RYR2: variants seen among roughly 807,000 people sequenced by gnomAD.
RYR2 encodes ryanodine receptor 2.
A neutral mutation model predicts 601.1 loss-of-function variants in RYR2; 227 were observed. That is an observed-to-expected ratio of 0.38 (90% CI 0.34 to 0.42). The LOEUF (loss-of-function observed/expected upper bound fraction) is 0.42. Ranked by LOEUF, RYR2 falls within the 10% of genes least tolerant of loss-of-function variation. The pLI, the probability that RYR2 is intolerant of heterozygous loss-of-function variation, is 1.00. For synonymous variants in RYR2, 2,223 were observed against 2,175.1 expected (o/e 1.02, Z -0.61); for missense variants, 4,646 against 6,156.5 (o/e 0.75, Z 8.21).
At chr1:237,827,664 C>G (rs1243227093) in intron 101 of RYR2, among the ~76,000 whole-genome samples, 1 of 143,128 alleles carries the variant, frequency 7.0e-6, no homozygotes, top group Non-Finnish European at 1.5e-5. Context: ...CTTGACTGGG[C>G]ATGGTGGCTC....
At chr1:237,497,879 C>T (rs937397885) in intron 20 of RYR2, among the ~76,000 whole-genome samples, 7 of 149,368 alleles carry the variant, frequency 4.7e-5, no homozygotes, top group African/African-American at 7.4e-5. Flanking sequence ...TTTTTTTTTT[C>T]GAGACAGAGT....
chr1:237,459,552 G>C (rs571005696), intron 16 of RYR2, among the ~76,000 whole-genome samples: 9 of 151,988 alleles, frequency 5.9e-5, no homozygotes, highest in Non-Finnish European at 1.2e-4. Context: ...CTGTTCATTG[G>C]TCCCTTCAAC....
Position 237,493,096 on chromosome 1 carries a change from A to C in RYR2, c.1961+9A>C, listed in dbSNP as rs1224169739. On this transcript the variant is annotated intron_variant, in intron 19 of 104. Transcript: ENST00000366574. ...GTGAACCATGTCAGCAGGTAAATTCAGACAGACAATGTCACCTGACAGGTA... is the reference window on the plus strand; with the variant it reads ...GTGAACCATGTCAGCAGGTAAATTCCGACAGACAATGTCACCTGACAGGTA... 6.2e-7 allele frequency: 1 copy of C among 1,613,550 alleles called. No individual in the cohort carries two copies. Among genetic ancestry groups the C allele is most frequent in the Non-Finnish European group, 8.5e-7 (1 of 1,179,744 alleles).
intron 1 of RYR2, among the ~76,000 whole-genome samples, chr1:237,104,441 C>T (rs1668449693): frequency 6.6e-6 from 1 of 152,180 alleles, no homozygotes; most frequent in South Asian, 2.1e-4. Flanking sequence ...CAGCTCAGCA[C>T]CTTTCCCTGT....
Position 237,440,999 on chromosome 1 carries a change from GA to G in RYR2, c.1006-309del, listed in dbSNP as rs57064786. ...ATCTATGCTCTTAATCACTAATAAT[GA>G]AAAAAAAAAATCCACAAAAACCCAG... On this transcript the variant is annotated intron_variant, in intron 12 of 104. Coordinates refer to ENST00000366574, the MANE Select transcript of RYR2 (RefSeq NM_001035.3). Among the ~76,000 whole-genome samples, 115,403 of 149,760 alleles carry G rather than the reference GA, an allele frequency of 0.77. 44,868 individuals carry two copies. Among genetic ancestry groups the G allele is most frequent in the East Asian group, 0.88 (4,466 of 5,084 alleles).
chr1:237,642,079 G>A lies in RYR2; in HGVS notation c.7221+1077G>A, dbSNP rs978021379. Among the ~76,000 whole-genome samples, 7 of 152,210 alleles carry A rather than the reference G, an allele frequency of 4.6e-5. 1 individual carries two copies. The highest frequency in any genetic ancestry group is 1.4e-4 in the African/African-American group (6 of 41,442). ...GAGAGTTTGAAACACATTGATTGGTGCTGGGGTAGTTAAGAACTGTAAGTA... is the reference window on the plus strand; with the variant it reads ...GAGAGTTTGAAACACATTGATTGGTACTGGGGTAGTTAAGAACTGTAAGTA... On this transcript the variant is annotated intron_variant, in intron 47 of 104. Coordinates refer to ENST00000366574, the MANE Select transcript of RYR2 (RefSeq NM_001035.3).
intron 1 of RYR2, among the ~76,000 whole-genome samples, chr1:237,223,628 A>C (rs1684058858): frequency 6.6e-6 from 1 of 152,164 alleles, no homozygotes; most frequent in African/African-American, 2.4e-5. Flanking sequence ...GTTATGTAAT[A>C]GAGGGAGAGA....
chr1:237,071,524 G>A (rs1030401203), intron 1 of RYR2, among the ~76,000 whole-genome samples: 17 of 152,086 alleles, frequency 1.1e-4, no homozygotes, highest in African/African-American at 3.1e-4. Context: ...CTGCCCGGCC[G>A]AGTCCAGGGT....
At chr1:237,482,636 C>T (rs1015558834) in intron 17 of RYR2, among the ~76,000 whole-genome samples, 1 of 152,114 alleles carries the variant, frequency 6.6e-6, no homozygotes, top group African/African-American at 2.4e-5. Flanking sequence ...CAAATCATTG[C>T]AATTATGAAC....
At chr1:237,492,148 C>T (rs575768973) in intron 18 of RYR2, among the ~76,000 whole-genome samples, 15 of 152,320 alleles carry the variant, frequency 9.8e-5, no homozygotes, top group Admixed American at 9.8e-4. Context: ...TCTCCTGTCT[C>T]AGCCTCTCAA....
chr1:237,107,349 G>T (rs1030622274), intron 1 of RYR2, among the ~76,000 whole-genome samples: 1 of 150,816 alleles, frequency 6.6e-6, no homozygotes, highest in Non-Finnish European at 1.5e-5. Context: ...GTGAAACCCC[G>T]TCTCTACTAA....
At chr1:237,044,955 TC>T (rs1417799313) in intron 1 of RYR2, among the ~76,000 whole-genome samples, 9 of 88,996 alleles carry the variant, frequency 1.0e-4, no homozygotes, top group Non-Finnish European at 1.7e-4. Context: ...TTCTTCTTCT[TC>T]TTTTTTTTTT....
At chr1:237,058,289 G>A (rs1662418901) in intron 1 of RYR2, among the ~76,000 whole-genome samples, 1 of 152,188 alleles carries the variant, frequency 6.6e-6, no homozygotes, top group Non-Finnish European at 1.5e-5. Context: ...ACTGCCCTCA[G>A]CTCTCCTACT....
chr1:237,591,076 AT>A (rs1450186858), intron 31 of RYR2, 84 bp downstream of exon 31: 1 of 1,110,338 alleles, frequency 9.0e-7, no homozygotes, highest in African/African-American at 1.6e-5. Context: ...CCTAGTGTAA[AT>A]TTTTTCCTCC....
At chr1:237,256,245 C>T (rs1687966156) in intron 1 of RYR2, among the ~76,000 whole-genome samples, 2 of 152,096 alleles carry the variant, frequency 1.3e-5, no homozygotes, top group African/African-American at 2.4e-5. Context: ...GTGCCTTTCG[C>T]CTTCTGCCAT....
chr1:237,071,740 C>A lies in RYR2; in HGVS notation c.48+29171C>A, dbSNP rs1409671091. On this transcript the variant is annotated intron_variant, in intron 1 of 104. Transcript: ENST00000366574. ...CCTTCCTGCCTAGGAACCTGTTTGC[C>A]CCCTGTGGCAATCAACATTCTGTCC... 3.9e-5 allele frequency among the ~76,000 whole-genome samples: 6 copies of A among 152,164 alleles called. No individual in the cohort carries two copies. In the East Asian group the frequency reaches 7.7e-4, roughly 20 times the overall value.
intron 82 of RYR2, among the ~76,000 whole-genome samples, chr1:237,759,247 C>G (rs1414432768): frequency 1.3e-5 from 2 of 152,072 alleles, no homozygotes; most frequent in Non-Finnish European, 2.9e-5. Flanking sequence ...CTACCACGCC[C>G]AGCTGATTTT....
chr1:237,265,346 G>A (rs955172085), intron 1 of RYR2, among the ~76,000 whole-genome samples: 2 of 151,966 alleles, frequency 1.3e-5, no homozygotes, highest in African/African-American at 4.8e-5. Context: ...TTTTTGAGCG[G>A]GATCTTGCTC....
At chr1:237,046,482 A>G (rs1660621256) in intron 1 of RYR2, among the ~76,000 whole-genome samples, 1 of 152,212 alleles carries the variant, frequency 6.6e-6, no homozygotes, top group African/African-American at 2.4e-5. Flanking sequence ...TCCCTTCATA[A>G]TGAAGCTACG....
Sources: allele counts gnomAD v4.1 joint callset (sites outside exome capture counted in the v4.1 genomes callset), GRCh38; gene constraint gnomAD v4.1.1; transcripts MANE v1.5; gene names NCBI Gene and HGNC (gene_info 2026-07-23, HGNC 2026-07-21).